The following HDAC9 variants were observed in gnomAD, a reference collection of about 807,000 sequenced individuals.
HDAC9 encodes MEF-2 interacting transcription repressor (MITR) protein.
HDAC9 carries 41 observed loss-of-function variants against 139.4 expected under a neutral mutation model. The observed-to-expected ratio is 0.29, with a 90% CI of 0.23 to 0.38. The LOEUF (loss-of-function observed/expected upper bound fraction) is 0.38, where lower values mean the gene tolerates loss of function less well. HDAC9 is among the 10% of genes least tolerant of loss of function. The pLI, the probability that HDAC9 is intolerant of heterozygous loss-of-function variation, is 1.00. For synonymous variants in HDAC9, 517 were observed against 476.2 expected (o/e 1.09, Z -1.12); for missense variants, 1,147 against 1,297.0 (o/e 0.88, Z 1.78).
chr7:18,809,638 TA>T (rs1794017493), intron 17 of HDAC9, among the ~76,000 whole-genome samples: 1 of 151,980 alleles, frequency 6.6e-6, no homozygotes. Context: ...TCAACATCGC[TA>T]ATTATCAGGG....
intron 11 of HDAC9, among the ~76,000 whole-genome samples, chr7:18,655,685 A>G (rs1584662050): frequency 6.6e-6 from 1 of 152,216 alleles, no homozygotes; most frequent in African/African-American, 2.4e-5. Context: ...ATTCATAAAC[A>G]TTCCCAGTGC....
intron 2 of HDAC9, among the ~76,000 whole-genome samples, chr7:18,230,568 T>G (rs539577592): frequency 6.6e-6 from 1 of 152,222 alleles, no homozygotes; most frequent in East Asian, 1.9e-4. Flanking sequence ...CAATAGGAGC[T>G]ACCAGAATTA....
At chr7:18,823,135 A>C (rs549821632) in intron 17 of HDAC9, among the ~76,000 whole-genome samples, 1 of 152,332 alleles carries the variant, frequency 6.6e-6, no homozygotes, top group East Asian at 1.9e-4. Flanking sequence ...TTAAGTGCAC[A>C]TGCCAATTAA....
intron 14 of HDAC9, among the ~76,000 whole-genome samples, chr7:18,760,886 C>A (rs561760176): frequency 1.3e-5 from 2 of 152,318 alleles, no homozygotes; most frequent in East Asian, 3.9e-4. Context: ...AAGAGTCTGG[C>A]AGCAGCTGCA....
intron 1 of HDAC9, among the ~76,000 whole-genome samples, chr7:18,105,779 T>C (rs1015105167): frequency 3.3e-5 from 5 of 152,130 alleles, no homozygotes; most frequent in Non-Finnish European, 5.9e-5. Flanking sequence ...AATGTATATA[T>C]GATTATTCAT....
intron 13 of HDAC9, among the ~76,000 whole-genome samples, chr7:18,741,248 G>A (rs547682175): frequency 6.6e-6 from 1 of 152,324 alleles, no homozygotes; most frequent in South Asian, 2.1e-4. Context: ...GAGAGAAATA[G>A]TCAATGACTG....
chr7:18,351,984 A>C (rs1782883506), intron 1 of HDAC9, among the ~76,000 whole-genome samples: 1 of 152,222 alleles, frequency 6.6e-6, no homozygotes, highest in African/African-American at 2.4e-5. Flanking sequence ...ACAGAACTAG[A>C]TCACATAGCT....
intron 24 of HDAC9, among the ~76,000 whole-genome samples, chr7:18,968,744 G>A (rs1169751382): frequency 6.6e-6 from 1 of 152,050 alleles, no homozygotes; most frequent in Non-Finnish European, 1.5e-5. Context: ...CGGATCAGGA[G>A]GTCAGGAGAT....
intron 22 of HDAC9, among the ~76,000 whole-genome samples, chr7:18,897,835 T>G (rs1259705113): frequency 6.8e-6 from 1 of 147,478 alleles, no homozygotes; most frequent in Non-Finnish European, 1.5e-5. Flanking sequence ...AAAAAAAAAA[T>G]CCCTCCATTT....
rs1043043651 is a variant in HDAC9 at position 18,944,580 on chromosome 7, A to G, written c.2937+8638A>G. Among the ~76,000 whole-genome samples the G allele has an allele frequency of 2.0e-5, 3 of 152,138 alleles. No homozygotes were observed. The East Asian group carries it at 5.8e-4, about 29-fold the overall frequency. On this transcript the variant is annotated intron_variant, in intron 23 of 25. Coordinates refer to ENST00000686413, the MANE Select transcript of HDAC9 (RefSeq NM_178425.4). ...TTTAATTGTAAAATATAACAATTAT[A>G]CAGAAAACTGCAAAACACAAATGTA...
intron 2 of HDAC9, among the ~76,000 whole-genome samples, chr7:18,509,696 C>T (rs541614677): frequency 6.6e-6 from 1 of 152,280 alleles, no homozygotes; most frequent in African/African-American, 2.4e-5. Flanking sequence ...CTGACACCAT[C>T]ACTGATTTCC....
intron 21 of HDAC9, among the ~76,000 whole-genome samples, chr7:18,847,128 T>C (rs903093159): frequency 6.6e-6 from 1 of 152,150 alleles, no homozygotes; most frequent in Non-Finnish European, 1.5e-5. Flanking sequence ...AAAGGGGCCA[T>C]TATATGTTCC....
At position 18,281,524 on chromosome 7, in the gene HDAC9, C is replaced by T. The variant is rs302169; in HGVS notation, c.25+119175C>T. On this transcript the variant is annotated intron_variant, in intron 2 of 12. Coordinates refer to the HDAC9 transcript ENST00000417496. The stretch of plus-strand genomic sequence containing the variant: ...TTCTCTTTCCATGTAAAATGTATTT[C>T]AAAGGATAATAGCCTACGATTTGAC... Among the ~76,000 whole-genome samples the T allele has an allele frequency of 9.5e-3, 1,454 of 152,270 alleles. 20 individuals are homozygous for T. Among genetic ancestry groups the T allele is most frequent in the African/African-American group, 0.034 (1,398 of 41,540 alleles).
intron 8 of HDAC9, among the ~76,000 whole-genome samples, chr7:18,640,487 T>TA (rs1785251269): frequency 6.6e-6 from 1 of 151,540 alleles, no homozygotes; most frequent in Admixed American, 6.6e-5. Context: ...AGTATTTGTT[T>TA]ATCTTCTTCT....
chr7:18,655,844 T>C (rs1158968394), intron 11 of HDAC9, among the ~76,000 whole-genome samples: 1 of 152,084 alleles, frequency 6.6e-6, no homozygotes, highest in East Asian at 1.9e-4. Flanking sequence ...AAGAAAAATA[T>C]CTGGGGAATT....
chr7:18,923,013 T>C (rs1313651248), intron 22 of HDAC9, among the ~76,000 whole-genome samples: 1 of 152,112 alleles, frequency 6.6e-6, no homozygotes, highest in African/African-American at 2.4e-5. Context: ...ACAACTCTTT[T>C]GACACATGGT....
At chr7:18,524,080 A>T (rs1805994649) in intron 2 of HDAC9, among the ~76,000 whole-genome samples, 2 of 152,140 alleles carry the variant, frequency 1.3e-5, no homozygotes, top group Non-Finnish European at 2.9e-5. Flanking sequence ...GCACTTCTTC[A>T]TCTGGCTGGG....
chr7:18,683,625 T>C (rs1782045817), intron 12 of HDAC9, among the ~76,000 whole-genome samples: 2 of 152,154 alleles, frequency 1.3e-5, no homozygotes, highest in South Asian at 2.1e-4. Context: ...ATTTTTTGTT[T>C]GTTTTATGAT....
chr7:18,150,411 C>T (rs76853896), intron 1 of HDAC9, among the ~76,000 whole-genome samples: 70 of 152,146 alleles, frequency 4.6e-4, no homozygotes, highest in East Asian at 3.3e-3. Flanking sequence ...CAGGGAATGG[C>T]GATTCTAGAA....
Sources: gnomAD v4.1 joint callset for allele counts (sites outside exome capture counted in the v4.1 genomes callset) on GRCh38, gnomAD v4.1.1 for gene constraint, MANE v1.5 for transcripts, NCBI Gene and HGNC (gene_info 2026-07-23, HGNC 2026-07-21) for gene names.